LINGO2: variants seen among roughly 807,000 people sequenced by gnomAD.
The protein encoded by LINGO2 is leucine rich repeat and Ig domain containing 2.
Under a neutral mutation model 30.6 loss-of-function variants are expected in LINGO2, and 14 were observed. The ratio of observed to expected loss-of-function variants is 0.46; its 90% confidence interval spans 0.30 to 0.72. The LOEUF is 0.72. Among genes scored for constraint, LINGO2 ranks in the 30% least tolerant of loss-of-function variants. The pLI, the probability that LINGO2 is intolerant of heterozygous loss-of-function variation, is 0.07. For synonymous variants in LINGO2, 317 were observed against 288.5 expected (o/e 1.10, Z -1.00); for missense variants, 729 against 751.7 (o/e 0.97, Z 0.35).
the LINGO2 span, among the ~76,000 whole-genome samples, chr9:28,684,009 T>C: frequency 0.094 from 14,341 of 152,090 alleles, 895 homozygotes; most frequent in East Asian, 0.2. Context: ...ATCAAAACTT[T>C]TTTTGTGAAA....
At position 28,493,402 on chromosome 9, in the gene LINGO2, T is replaced by C. The variant is rs568910704; in HGVS notation, c.-364-17377A>G. On this transcript the variant is annotated intron_variant, in intron 1 of 5. Coordinates refer to ENST00000379992, the Ensembl canonical transcript of LINGO2. ...AAAGATAACAAGTGAGGATGGATAT[T>C]CAGTAGGCATTCAGCTAAGGATACC... Among the ~76,000 whole-genome samples, 495 of 152,256 alleles carry C rather than the reference T, an allele frequency of 3.3e-3. 3 individuals carry two copies. Among genetic ancestry groups the C allele is most frequent in the Middle Eastern group, 0.024 (7 of 294 alleles).
chr9:29,073,897 T>G, the LINGO2 span, among the ~76,000 whole-genome samples: 1 of 152,192 alleles, frequency 6.6e-6, no homozygotes. Flanking sequence ...GAAGTTTTAG[T>G]ATTTTAAAAT....
the LINGO2 span, among the ~76,000 whole-genome samples, chr9:28,757,463 C>T: frequency 6.6e-6 from 1 of 151,992 alleles, no homozygotes; most frequent in Non-Finnish European, 1.5e-5. Flanking sequence ...TGTGGTTATG[C>T]TACTTACCCA....
At chr9:28,436,470 ATT>A (rs869255468) in intron 2 of LINGO2, among the ~76,000 whole-genome samples, 1 of 105,668 alleles carries the variant, frequency 9.5e-6, no homozygotes, top group Non-Finnish European at 2.1e-5. Flanking sequence ...TTATTTATTT[ATT>A]TTTGAGATGG....
intron 4 of LINGO2, among the ~76,000 whole-genome samples, chr9:28,102,024 G>C (rs1321821884): frequency 6.6e-6 from 1 of 151,866 alleles, no homozygotes; most frequent in African/African-American, 2.4e-5. Context: ...CATCAGCTTT[G>C]CCTCCAACTC....
At chr9:28,239,429 T>C (rs1359560481) in intron 4 of LINGO2, among the ~76,000 whole-genome samples, 1 of 152,122 alleles carries the variant, frequency 6.6e-6, no homozygotes, top group East Asian at 1.9e-4. Flanking sequence ...ATTAAAAATA[T>C]CATTCATCAT....
At chr9:29,075,950 A>C in the LINGO2 span, among the ~76,000 whole-genome samples, 1 of 152,130 alleles carries the variant, frequency 6.6e-6, no homozygotes, top group African/African-American at 2.4e-5. Context: ...GCAATGGTGC[A>C]ATCAACAGCT....
the LINGO2 span, among the ~76,000 whole-genome samples, chr9:29,141,549 G>A: frequency 3.3e-5 from 5 of 151,774 alleles, no homozygotes; most frequent in Admixed American, 2.6e-4. Context: ...AAATGGTCCT[G>A]TCAGTAATTA....
chr9:28,464,630 T>A (rs1224567548), intron 2 of LINGO2, among the ~76,000 whole-genome samples: 1 of 152,220 alleles, frequency 6.6e-6, no homozygotes, highest in African/African-American at 2.4e-5. Flanking sequence ...AGGTCATAAC[T>A]TCCGTATTTC....
chr9:28,810,633 A>C, the LINGO2 span, among the ~76,000 whole-genome samples: 1 of 152,164 alleles, frequency 6.6e-6, no homozygotes, highest in Non-Finnish European at 1.5e-5. Context: ...AAAAAGATTA[A>C]GAGAGGTGAA....
At chr9:28,227,216 A>C (rs1349745429) in intron 4 of LINGO2, among the ~76,000 whole-genome samples, 1 of 152,120 alleles carries the variant, frequency 6.6e-6, no homozygotes, top group African/African-American at 2.4e-5. Context: ...AGGAGCTGGC[A>C]GAACAAGAAG....
the LINGO2 span, among the ~76,000 whole-genome samples, chr9:28,702,559 C>T: frequency 1.4e-4 from 22 of 151,818 alleles, no homozygotes; most frequent in South Asian, 3.9e-3. Context: ...AGGATTTTTG[C>T]ATTTATCTTC....
chr9:28,059,778 C>A (rs1825084794), intron 4 of LINGO2, among the ~76,000 whole-genome samples: 1 of 152,068 alleles, frequency 6.6e-6, no homozygotes, highest in African/African-American at 2.4e-5. Flanking sequence ...ATTATACAAC[C>A]AACAATGCCA....
At chr9:28,303,174 T>C (rs1824213489) in intron 3 of LINGO2, among the ~76,000 whole-genome samples, 1 of 152,180 alleles carries the variant, frequency 6.6e-6, no homozygotes, top group Non-Finnish European at 1.5e-5. Context: ...AGAGAGACAA[T>C]GTCATGGACA....
At chr9:28,040,438 T>G (rs1563935835) in intron 4 of LINGO2, among the ~76,000 whole-genome samples, 1 of 151,428 alleles carries the variant, frequency 6.6e-6, no homozygotes, top group Non-Finnish European at 1.5e-5. Flanking sequence ...TTTTTTTTTT[T>G]TTTTTTGGAC....
chr9:28,589,680 T>C (rs1389214285), intron 1 of LINGO2, among the ~76,000 whole-genome samples: 3 of 152,088 alleles, frequency 2.0e-5, no homozygotes, highest in African/African-American at 7.2e-5. Flanking sequence ...GAACATTCCA[T>C]GCTCATGGGT....
chr9:27,975,030 T>C (rs1310945137), intron 5 of LINGO2, among the ~76,000 whole-genome samples: 1 of 152,138 alleles, frequency 6.6e-6, no homozygotes, highest in Non-Finnish European at 1.5e-5. Context: ...ATTAGAAATC[T>C]AGACTTCTGA....
intron 4 of LINGO2, among the ~76,000 whole-genome samples, chr9:28,189,206 A>G (rs907153660): frequency 6.7e-6 from 1 of 150,118 alleles, no homozygotes; most frequent in Non-Finnish European, 1.5e-5. Flanking sequence ...TTTTTTTTCT[A>G]CCATATTAGG....
At chr9:28,620,975 A>T (rs1008896147) in intron 1 of LINGO2, among the ~76,000 whole-genome samples, 1 of 152,082 alleles carries the variant, frequency 6.6e-6, no homozygotes, top group Non-Finnish European at 1.5e-5. Context: ...CTCTGAACTT[A>T]AAATCAAAGT....
Sources: allele counts gnomAD v4.1 joint callset (sites outside exome capture counted in the v4.1 genomes callset), GRCh38; gene constraint gnomAD v4.1.1; transcripts MANE v1.5; gene names NCBI Gene and HGNC (gene_info 2026-07-23, HGNC 2026-07-21).